The following AOC2 variants were observed in gnomAD, a reference collection of about 807,000 sequenced individuals.
The protein encoded by AOC2 is amine oxidase copper containing 2, also known as amine oxidase [copper-containing] 2.
Under a neutral mutation model 53.8 loss-of-function variants are expected in AOC2, and 57 were observed. The ratio of observed to expected loss-of-function variants is 1.06; its 90% CI spans 0.86 to 1.32. The LOEUF (loss-of-function observed/expected upper bound fraction) is 1.32, where lower values mean the gene tolerates loss of function less well. Ranked by LOEUF, AOC2 falls within the 40% of genes most tolerant of loss-of-function variation. The probability of loss-of-function intolerance (pLI) is 0.00; values close to 1 mark genes in which losing one functional copy is unlikely to be tolerated. For synonymous variants in AOC2, 404 were observed against 399.0 expected (o/e 1.01, Z -0.15); for missense variants, 1,008 against 957.2 (o/e 1.05, Z -0.70).
At position 42,849,353 on chromosome 17, in the gene AOC2, G is replaced by A. The variant is rs1567687003; in HGVS notation, c.1856G>A (p.Arg619Lys). The change falls in exon 2 of 4, where the codon AGG (arginine) becomes AAG (lysine). Residue 619 changes from arginine to lysine, a missense_variant. Arg to Lys is a conservative substitution (Grantham distance 26). Transcript: ENST00000253799. The part of the protein sequence containing the change: ...IHIPLESDME[R>K]ALSWGRYQLV... ...ATACCCCTGGAGAGTGACATGGAGA[G>A]GGCCCTCAGCTGGGGGAGGTGAGGA... 6.2e-7 allele frequency: 1 copy of A among 1,612,444 alleles called. No homozygotes were observed. Among genetic ancestry groups the A allele is most frequent in the East Asian group, 2.2e-5 (1 of 44,822 alleles).
Position 42,845,002 on chromosome 17 carries a change from T to C in AOC2, c.376T>C (p.Phe126Leu). 2 of 1,612,874 alleles carry C rather than the reference T, an allele frequency of 1.2e-6. No individual in the cohort carries two copies. Among genetic ancestry groups the C allele is most frequent in the Non-Finnish European group, 1.7e-6 (2 of 1,179,266 alleles). The part of the protein sequence containing the change: ...PAREALAIVL[F>L]GGQPQPNVSE... ...CCGGGAGGCACTGGCCATCGTCCTCTTTGGTGGACAACCCCAACCCAATGT... is the reference window on the plus strand; with the variant it reads ...CCGGGAGGCACTGGCCATCGTCCTCCTTGGTGGACAACCCCAACCCAATGT... Residue 126 changes from phenylalanine to leucine, a missense_variant, in exon 1 of 4, where the codon TTT becomes CTT. By Grantham distance (22) the Phe-to-Leu change is conservative. Transcript: ENST00000253799.
intron 1 of AOC2, among the ~76,000 whole-genome samples, chr17:42,847,569 C>G (rs2055608508): frequency 6.6e-6 from 1 of 152,146 alleles, no homozygotes; most frequent in African/African-American, 2.4e-5. Flanking sequence ...TTGCTGAGAT[C>G]AAAAGTGAAG....
chr17:42,845,860 G>A lies in AOC2; in HGVS notation c.1234G>A (p.Gly412Ser), dbSNP rs757108897. 9.3e-6 allele frequency: 15 copies of A among 1,613,988 alleles called. No homozygotes were observed. The highest frequency in any genetic ancestry group is 1.3e-5 in the Non-Finnish European group (15 of 1,180,030). ...GATGGTGGACATCCATATATTAGTG[G>A]GCAAAGGGGCAGTCCAGCTGCTTCC... ...ATMVDIHILV[G>S]KGAVQLLPGA... The change falls in exon 1 of 4, where the codon GGC (glycine) becomes AGC (serine). Residue 412 changes from glycine (G) to serine (S), a missense_variant. Transcript: ENST00000253799.
chr17:42,848,600 G>T (rs533483566), intron 1 of AOC2, among the ~76,000 whole-genome samples: 3 of 147,258 alleles, frequency 2.0e-5, no homozygotes, highest in Non-Finnish European at 3.0e-5. Context: ...GCCCAGGCTA[G>T]AGTGCAGTGG....
chr17:42,849,865 C>G, intron 3 of AOC2, 135 bp downstream of exon 3: 1 of 1,362,328 alleles, frequency 7.3e-7, no homozygotes, highest in Non-Finnish European at 1.0e-6. Flanking sequence ...TTTCTGATGA[C>G]CAACACAGGT....
At position 42,845,805 on chromosome 17, in the gene AOC2, G is replaced by A; in HGVS notation, c.1179G>A (p.Val393=). ...TCGGCCGTAACAGCCGAGGCTTGGT[G>A]CGGGGAGTGGACTGCCCCTATCAAG... is the stretch of plus-strand genomic sequence containing the variant. ...FGLGRNSRGL[V]RGVDCPYQAT... Residue 393 remains valine, a synonymous_variant, in exon 1 of 4, where the codon GTG becomes GTA. Transcript: ENST00000253799. The A allele has an allele frequency of 6.2e-7, 1 of 1,614,184 alleles. No individual in the cohort carries two copies. The highest frequency in any genetic ancestry group is 8.5e-7 in the Non-Finnish European group (1 of 1,180,044).
Position 42,850,343 on chromosome 17 carries a change from T to C in AOC2, c.2266T>C (p.Phe756Leu). Residue 756 changes from phenylalanine to leucine, a missense_variant, in exon 4 of 4, where the codon TTC becomes CTC. Transcript: ENST00000253799. ...CTTACCCCCTTTCTCTTACCACGGC[T>C]TCTAGTCCTGAGGGTGTGGCGGGCG... ...PDLPPFSYHGF is the reference protein window; with the variant it reads ...PDLPPFSYHGL 2 of 1,595,804 alleles carry C rather than the reference T, an allele frequency of 1.3e-6. No individual in the cohort carries two copies.
intron 1 of AOC2, 131 bp downstream of exon 1, chr17:42,846,345 T>A: frequency 1.0e-6 from 1 of 1,001,948 alleles, no homozygotes; most frequent in Non-Finnish European, 1.4e-6. Context: ...ACCACAGCTC[T>A]AGTGGCAACA....
In AOC2 at chr17:42,850,477, C is replaced by A; in HGVS notation, c.*129C>A. ...CCCTCAATGTTCCTCTCACACGAAA[C>A]CCCCATCAGTCCCTTTGGTTAATTC... On this transcript the variant is annotated 3_prime_UTR_variant, in exon 4 of 4. Transcript: ENST00000253799. 1 of 1,100,514 alleles carries A rather than the reference C, an allele frequency of 9.1e-7. No individual in the cohort carries two copies. The highest frequency in any genetic ancestry group is 1.3e-6 in the Non-Finnish European group (1 of 788,552). The allele number at this position is 1,100,514 out of a possible 1,614,324, so 68.2% of individuals were successfully genotyped here. A position where few individuals can be genotyped will look rare whatever the true frequency, so the allele number is the denominator to read the frequency against.
In AOC2 at chr17:42,845,991, G is replaced by T. The variant is rs1473154945; in HGVS notation, c.1365G>T (p.Val455=). ...FYGGLASSAL[V]VRSVSSVGNY... Reference sequence around the variant, plus strand: ...GTGGTTTGGCCAGCTCAGCCCTTGTGGTCAGGTCTGTGTCATCTGTGGGCA... The same window carrying T: ...GTGGTTTGGCCAGCTCAGCCCTTGTTGTCAGGTCTGTGTCATCTGTGGGCA... Residue 455 remains valine (V), a synonymous_variant, in exon 1 of 4, where the codon GTG becomes GTT. Transcript: ENST00000253799. The T allele has an allele frequency of 6.2e-7, 1 of 1,614,172 alleles. No homozygotes were observed. The highest frequency in any genetic ancestry group is 8.5e-7 in the Non-Finnish European group (1 of 1,180,036).
At chr17:42,848,632 C>G (rs1265316767) in intron 1 of AOC2, among the ~76,000 whole-genome samples, 1 of 150,134 alleles carries the variant, frequency 6.7e-6, no homozygotes, top group Non-Finnish European at 1.5e-5. Flanking sequence ...CTCATTGCAG[C>G]CACAACCTAC....
chr17:42,845,926 C>T lies in AOC2; in HGVS notation c.1300C>T (p.Leu434Phe), dbSNP rs747431065. Residue 434 changes from leucine to phenylalanine, a missense_variant, in exon 1 of 4, where the codon CTT becomes TTT. Physicochemically the swap from Leu to Phe is conservative, Grantham distance 22. Transcript: ENST00000253799. ...CVFEEAQGLPLRRHHNYLQNH... is the reference protein window; with the variant it reads ...CVFEEAQGLPFRRHHNYLQNH... ...ATTTGAGGAAGCCCAGGGACTGCCC[C>T]TTCGAAGGCACCACAATTACCTTCA... The T allele has an allele frequency of 6.2e-7, 1 of 1,614,084 alleles. No homozygotes were observed. The highest frequency in any genetic ancestry group is 2.2e-5 in the East Asian group (1 of 44,894).
intron 1 of AOC2, 144 bp from the exon 2 acceptor site, chr17:42,848,942 A>G (rs1177619678): frequency 2.2e-6 from 2 of 894,104 alleles, no homozygotes; most frequent in Admixed American, 5.9e-5. Context: ...TCTTGCCCAG[A>G]CCTCCTGGCT....
chr17:42,846,565 C>T (rs1779423689), intron 1 of AOC2, among the ~76,000 whole-genome samples: 1 of 152,010 alleles, frequency 6.6e-6, no homozygotes, highest in African/African-American at 2.4e-5. Flanking sequence ...AGTTGGAGCA[C>T]TTTGCTTCTT....
Position 42,845,318 on chromosome 17 carries a change from G to A in AOC2, c.692G>A (p.Gly231Asp). The change falls in exon 1 of 4, where the codon GGT becomes GAT. Residue 231 changes from glycine to aspartate, a missense_variant. By Grantham distance (94) the Gly-to-Asp change is moderately conservative. Coordinates refer to ENST00000253799, the MANE Select transcript of AOC2 (RefSeq NM_009590.4). ...MALYHNISGVGLFLHPVGLEL... is the reference protein window; with the variant it reads ...MALYHNISGVDLFLHPVGLEL... ...CTCTACCATAACATCTCAGGGGTTG[G>A]TCTTTTCCTTCACCCCGTGGGGCTG... 6.2e-7 allele frequency: 1 copy of A among 1,614,164 alleles called. No individual in the cohort carries two copies. Among genetic ancestry groups the A allele is most frequent in the Non-Finnish European group, 8.5e-7 (1 of 1,180,024 alleles).
At position 42,844,928 on chromosome 17, in the gene AOC2, C is replaced by T. The variant is rs759883892; in HGVS notation, c.302C>T (p.Pro101Leu). The change falls in exon 1 of 4, where the codon CCC (proline) becomes CTC (leucine). Residue 101 changes from proline (P) to leucine (L), a missense_variant. Physicochemically the swap from Pro to Leu is moderately conservative, Grantham distance 98. Transcript: ENST00000253799. ...TTCTCAGTGGAGCTGCAGCTGCCCC[C>T]CAAGGCTGCAGCCCTGGCCCACCTG... is the stretch of plus-strand genomic sequence containing the variant. ...CIFSVELQLP[P>L]KAAALAHLDR... 2.5e-6 allele frequency: 4 copies of T among 1,612,794 alleles called. No individual in the cohort carries two copies. In the African/African-American group the frequency reaches 5.3e-5, roughly 22 times the overall value.
rs1362969784 is a variant in AOC2 at position 42,845,234 on chromosome 17, C to A, written c.608C>A (p.Ala203Glu). Residue 203 changes from alanine to glutamate, a missense_variant, in exon 1 of 4, where the codon GCA becomes GAA. Ala to Glu is a moderately radical substitution (Grantham distance 107, BLOSUM62 -1). Coordinates refer to ENST00000253799, the MANE Select transcript of AOC2 (RefSeq NM_009590.4). The stretch of plus-strand genomic sequence containing the variant: ...TTCAACTACAATGGCTCTACCCTGG[C>A]AGCTGTGCATGCCACCCCTCGGGGC... The part of the protein sequence containing the change: ...STFNYNGSTL[A>E]AVHATPRGLR... 7.4e-6 allele frequency: 12 copies of A among 1,614,088 alleles called. No individual in the cohort carries two copies. The highest frequency in any genetic ancestry group is 1.0e-5 in the Non-Finnish European group (12 of 1,180,044).
In AOC2 at chr17:42,850,338, A is replaced by G. The variant is rs1157613137; in HGVS notation, c.2261A>G (p.His754Arg). 6.3e-7 allele frequency: 1 copy of G among 1,597,474 alleles called. No individual in the cohort carries two copies. The highest frequency in any genetic ancestry group is 1.3e-5 in the African/African-American group (1 of 74,544). The change falls in exon 4 of 4, where the codon CAC becomes CGC. Residue 754 changes from histidine (H) to arginine (R), a missense_variant. Physicochemically the swap from His to Arg is conservative, Grantham distance 29 (BLOSUM62 0). Transcript: ENST00000253799. Reference protein sequence around the residue: ...CVPDLPPFSYHGF With the variant: ...CVPDLPPFSYRGF Reference sequence around the variant, plus strand: ...CCGGACTTACCCCCTTTCTCTTACCACGGCTTCTAGTCCTGAGGGTGTGGC... The same window carrying G: ...CCGGACTTACCCCCTTTCTCTTACCGCGGCTTCTAGTCCTGAGGGTGTGGC...
chr17:42,849,264 G>T lies in AOC2; in HGVS notation c.1767G>T (p.Gln589His). Reference sequence around the variant, plus strand: ...GCTACCTCTACCTGGCTAGCAACCAGACTAATGCGTGGGGTCACCAGCGCG... The same window carrying T: ...GCTACCTCTACCTGGCTAGCAACCATACTAATGCGTGGGGTCACCAGCGCG... ...LPRYLYLASN[Q>H]TNAWGHQRGY... The change falls in exon 2 of 4, where the codon CAG becomes CAT. Residue 589 changes from glutamine (Q) to histidine (H), a missense_variant. Gln to His is a conservative substitution (Grantham distance 24, BLOSUM62 0). Transcript: ENST00000253799. 2 of 1,614,170 alleles carry T rather than the reference G, an allele frequency of 1.2e-6. No homozygotes were observed. Among genetic ancestry groups the T allele is most frequent in the Non-Finnish European group, 1.7e-6 (2 of 1,180,038 alleles).
Sources: allele counts gnomAD v4.1 joint callset (sites outside exome capture counted in the v4.1 genomes callset), GRCh38; gene constraint gnomAD v4.1.1; transcripts MANE v1.5; gene names NCBI Gene and HGNC (gene_info 2026-07-23, HGNC 2026-07-21).